Variants in TRPC5 observed in about 807,000 individuals in gnomAD.
TRPC5 encodes the protein transient receptor potential cation channel subfamily C member 5, also known as short transient receptor potential channel 5.
In TRPC5, 9 loss-of-function variants were observed where a neutral mutation model predicts 56.5. The observed-to-expected ratio is 0.16, with a 90% CI of 0.10 to 0.28. The LOEUF is 0.28. TRPC5 is among the 10% of genes least tolerant of loss of function. The pLI is 1.00. For synonymous variants in TRPC5, 282 were observed against 278.5 expected (o/e 1.01, Z -0.13); for missense variants, 469 against 748.9 (o/e 0.63, Z 4.36).
intron 2 of TRPC5, among the ~76,000 whole-genome samples, chrX:111,942,175 A>G (rs1926799607): frequency 9.1e-6 from 1 of 110,138 alleles, no homozygotes; most frequent in African/African-American, 3.4e-5. Context: ...TTGTTTTCGT[A>G]CTTTTTGTGG....
intron 2 of TRPC5, among the ~76,000 whole-genome samples, chrX:111,915,365 C>G (rs1401412760): frequency 1.8e-5 from 2 of 111,893 alleles, no homozygotes; most frequent in Non-Finnish European, 3.8e-5. Flanking sequence ...AACTGGTCTA[C>G]AGTGACCAAC....
At position 112,060,603 on chromosome X, in the gene TRPC5, G is replaced by C. The variant is rs369085520; in HGVS notation, c.-22+21276C>G. Among the ~76,000 whole-genome samples, 4 of 111,782 alleles carry C rather than the reference G, an allele frequency of 3.6e-5. No individual in the cohort carries two copies. In the South Asian group the frequency reaches 1.5e-3, roughly 42 times the overall value. On this transcript the variant is annotated intron_variant, in intron 1 of 10. Transcript: ENST00000262839. ...TGGGGTTTCCTGGTTCCTGTGTTTG[G>C]TTGGATTGATCCCTCTGATTTAACT...
chrX:111,983,116 G>GTT (rs1225313593), intron 1 of TRPC5, among the ~76,000 whole-genome samples: 1 of 111,758 alleles, frequency 8.9e-6, no homozygotes, highest in Non-Finnish European at 1.9e-5. Flanking sequence ...TTGCTGTGAA[G>GTT]TGAGTTCCTT....
At chrX:111,817,571 G>A (rs1007074821) in intron 7 of TRPC5, among the ~76,000 whole-genome samples, 2 of 110,031 alleles carry the variant, frequency 1.8e-5, no homozygotes, top group African/African-American at 6.6e-5. Flanking sequence ...TGATCTGCCC[G>A]CCTCGGCCTC....
intron 7 of TRPC5, among the ~76,000 whole-genome samples, chrX:111,804,763 G>A (rs753795643): frequency 3.6e-5 from 4 of 111,587 alleles, no homozygotes; most frequent in Non-Finnish European, 7.5e-5. Flanking sequence ...CTGAGATGGG[G>A]TTTTCTAAAT....
rs955567363 is a variant in TRPC5 at position 111,911,221 on chromosome X, C to T, written c.900+1070G>A. Among the ~76,000 whole-genome samples the T allele has an allele frequency of 2.9e-4, 33 of 112,351 alleles. No individual in the cohort carries two copies. In the Admixed American group the frequency reaches 3.0e-3, roughly 10 times the overall value. ...ATGAAGGAATGGCACTGCCAGTTGC[C>T]CTTCAGCTGGCAGGCACCCCTCAGC... On this transcript the variant is annotated intron_variant, in intron 3 of 10. Coordinates refer to ENST00000262839, the MANE Select transcript of TRPC5 (RefSeq NM_012471.3).
chrX:111,993,649 C>G (rs1325931277), intron 1 of TRPC5, among the ~76,000 whole-genome samples: 2 of 112,295 alleles, frequency 1.8e-5, no homozygotes, highest in Non-Finnish European at 3.8e-5. Context: ...TCTCTGGTGA[C>G]CAGTGATGAT....
Position 111,776,655 on chromosome X carries a change from A to G in TRPC5, c.2580T>C (p.Ser860=), listed in dbSNP as rs375406316. 1.8e-4 allele frequency: 217 copies of G among 1,210,128 alleles called. No homozygotes were observed. The highest frequency in any genetic ancestry group is 2.2e-4 in the Non-Finnish European group (193 of 895,312). Residue 860 remains serine, a synonymous_variant, in exon 11 of 11, where the codon AGT becomes AGC. Transcript: ENST00000262839. ...CAGAAATTGTGTACATTGGCTCTGA[A>G]CTGGGTTCAGACATATGACCATTAA... ...SKFNGHMSEP[S]SEPMYTISDG...
At chrX:111,854,447 A>G in intron 3 of TRPC5, among the ~76,000 whole-genome samples, 1 of 111,917 alleles carries the variant, frequency 8.9e-6, no homozygotes, top group East Asian at 2.8e-4. Flanking sequence ...CATCCAGGGA[A>G]CATTAAAAAA....
At chrX:112,053,497 G>A (rs1602414382) in intron 1 of TRPC5, among the ~76,000 whole-genome samples, 1 of 111,437 alleles carries the variant, frequency 9.0e-6, no homozygotes, top group African/African-American at 3.3e-5. Flanking sequence ...CATTGAAAGG[G>A]CTTAATAGGT....
chrX:112,046,540 G>A (rs1200716899), intron 1 of TRPC5, among the ~76,000 whole-genome samples: 1 of 111,006 alleles, frequency 9.0e-6, no homozygotes, highest in Non-Finnish European at 1.9e-5. Flanking sequence ...ATTTGTTTAT[G>A]TGCCTATACA....
intron 2 of TRPC5, among the ~76,000 whole-genome samples, chrX:111,936,189 T>C (rs1312018804): frequency 2.7e-5 from 3 of 111,593 alleles, no homozygotes; most frequent in African/African-American, 6.5e-5. Flanking sequence ...TTAAGTTTAT[T>C]GCTAGCTATT....
At chrX:112,061,568 T>G (rs1250084319) in intron 1 of TRPC5, among the ~76,000 whole-genome samples, 1 of 110,953 alleles carries the variant, frequency 9.0e-6, no homozygotes, top group Non-Finnish European at 1.9e-5. Flanking sequence ...ACTCTGAGAG[T>G]CTCTGGCATT....
chrX:111,920,380 G>A (rs192803989), intron 2 of TRPC5, among the ~76,000 whole-genome samples: 2 of 111,522 alleles, frequency 1.8e-5, no homozygotes, highest in East Asian at 2.8e-4. Flanking sequence ...AACCGTAAGA[G>A]CACCCCCCTT....
intron 2 of TRPC5, among the ~76,000 whole-genome samples, chrX:111,919,276 T>C (rs1179424058): frequency 9.0e-6 from 1 of 111,688 alleles, no homozygotes; most frequent in Non-Finnish European, 1.9e-5. Context: ...GTCTGTAAAA[T>C]GGACCAATCA....
rs753900711 is a variant in TRPC5, at chrX:112,040,316, G to A, written c.-22+41563C>T. Among the ~76,000 whole-genome samples, 5 of 112,388 alleles carry A rather than the reference G, an allele frequency of 4.4e-5. No individual in the cohort carries two copies. The Admixed American group carries it at 4.7e-4, about 11-fold the overall frequency. ...GTGCAACCGCTATGCTAAGTGCTAC[G>A]TTAAAAACAAATCAGTTCCAGCTAA... is the stretch of plus-strand genomic sequence containing the variant. On this transcript the variant is annotated intron_variant, in intron 1 of 10. Coordinates refer to ENST00000262839, the MANE Select transcript of TRPC5 (RefSeq NM_012471.3).
At chrX:111,802,573 T>C (rs1309336090) in intron 7 of TRPC5, among the ~76,000 whole-genome samples, 1 of 111,515 alleles carries the variant, frequency 9.0e-6, no homozygotes, top group Non-Finnish European at 1.9e-5. Context: ...CTTATACATA[T>C]TTTTATTAAG....
intron 3 of TRPC5, among the ~76,000 whole-genome samples, chrX:111,868,081 TG>T (rs1923601771): frequency 1.8e-5 from 2 of 112,265 alleles, no homozygotes; most frequent in South Asian, 7.4e-4. Flanking sequence ...GAGTGACTAC[TG>T]GATGTCAAAC....
intron 1 of TRPC5, among the ~76,000 whole-genome samples, chrX:111,991,370 T>C (rs1313746315): frequency 1.8e-5 from 2 of 112,233 alleles, no homozygotes; most frequent in African/African-American, 6.5e-5. Flanking sequence ...AGCTGAACCA[T>C]ACAGATTAAT....
Sources: allele counts gnomAD v4.1 joint callset (sites outside exome capture counted in the v4.1 genomes callset), GRCh38; gene constraint gnomAD v4.1.1; transcripts MANE v1.5; gene names NCBI Gene and HGNC (gene_info 2026-07-23, HGNC 2026-07-21).